Variants in EVI5 observed in about 807,000 individuals in gnomAD.
The protein encoded by EVI5 is ecotropic viral integration site 5 protein homolog.
Under a neutral mutation model 112.0 loss-of-function variants are expected in EVI5, and 73 were observed. That is an observed-to-expected ratio of 0.65 (90% confidence interval 0.54 to 0.79). The LOEUF (loss-of-function observed/expected upper bound fraction) is 0.79. EVI5 is among the 30% of genes least tolerant of loss of function. The probability of loss-of-function intolerance (pLI) is 0.00; values close to 1 mark genes in which losing one functional copy is unlikely to be tolerated. For missense variants in EVI5, 900 were observed against 968.8 expected (o/e 0.93, Z 0.94); for synonymous variants, 305 against 319.9 (o/e 0.95, Z 0.50).
chr1:92,711,091 G>A (rs953521070), intron 2 of EVI5, among the ~76,000 whole-genome samples: 3 of 152,108 alleles, frequency 2.0e-5, no homozygotes, highest in Non-Finnish European at 4.4e-5. Context: ...GCATGCAGAT[G>A]ATAAACAGCC....
At chr1:92,649,948 C>T (rs1294226421) in intron 13 of EVI5, among the ~76,000 whole-genome samples, 1 of 152,172 alleles carries the variant, frequency 6.6e-6, no homozygotes, top group Non-Finnish European at 1.5e-5. Flanking sequence ...CTATTCGTTC[C>T]TCATTGAATG....
At chr1:92,683,153 T>C (rs1339108243) in intron 9 of EVI5, among the ~76,000 whole-genome samples, 1 of 152,188 alleles carries the variant, frequency 6.6e-6, no homozygotes, top group Non-Finnish European at 1.5e-5. Context: ...GAGTTAATAA[T>C]CTGCCCCATG....
At chr1:92,749,810 CAT>C (rs978756822) in intron 1 of EVI5, among the ~76,000 whole-genome samples, 1 of 152,170 alleles carries the variant, frequency 6.6e-6, no homozygotes, top group African/African-American at 2.4e-5. Context: ...CCTTATCACA[CAT>C]AATCTACATC....
At chr1:92,528,701 C>T (rs1186734572) in intron 19 of EVI5, among the ~76,000 whole-genome samples, 1 of 152,184 alleles carries the variant, frequency 6.6e-6, no homozygotes, top group Non-Finnish European at 1.5e-5. Flanking sequence ...CCAAATAACT[C>T]ATTCTATATG....
intron 1 of EVI5, among the ~76,000 whole-genome samples, chr1:92,751,353 C>G (rs1680171127): frequency 6.6e-6 from 1 of 152,050 alleles, no homozygotes; most frequent in Non-Finnish European, 1.5e-5. Context: ...AAATTCACCC[C>G]CAATTCATCC....
At chr1:92,598,203 G>A (rs1029394718) in intron 18 of EVI5, among the ~76,000 whole-genome samples, 1 of 152,272 alleles carries the variant, frequency 6.6e-6, no homozygotes, top group Non-Finnish European at 1.5e-5. Context: ...TGGAGCTTAT[G>A]CTCTAGTGGG....
chr1:92,778,957 C>T (rs148071040), intron 1 of EVI5, among the ~76,000 whole-genome samples: 31 of 152,094 alleles, frequency 2.0e-4, no homozygotes, highest in East Asian at 1.4e-3. Flanking sequence ...GAGATTCTGA[C>T]GTATTAGCAG....
In EVI5 at chr1:92,709,150, T is replaced by G. The variant is rs372542001; in HGVS notation, c.150-4406A>C. Among the ~76,000 whole-genome samples the G allele has an allele frequency of 5.9e-5, 9 of 152,176 alleles. No homozygotes were observed. In the East Asian group the frequency reaches 1.7e-3, roughly 29 times the overall value. ...AAGCCATTATACAAAAAAGAACAGGTAGAAGAGAAGTTTTGACAGAGGGTG... is the reference window on the plus strand; with the variant it reads ...AAGCCATTATACAAAAAAGAACAGGGAGAAGAGAAGTTTTGACAGAGGGTG... On this transcript the variant is annotated intron_variant, in intron 2 of 19. Transcript: ENST00000684568.
intron 19 of EVI5, among the ~76,000 whole-genome samples, chr1:92,521,550 G>T (rs550983397): frequency 1.3e-5 from 2 of 152,124 alleles, no homozygotes; most frequent in Middle Eastern, 3.2e-3. Flanking sequence ...AATTAGCCAG[G>T]TGTGGTGGTG....
chr1:92,766,099 TAATAA>T (rs1180197359), intron 1 of EVI5, among the ~76,000 whole-genome samples: 5 of 4,702 alleles, frequency 1.1e-3, no homozygotes, highest in Admixed American at 5.1e-3. Context: ...CCCTGCAAAA[TAATAA>T]TAATAATAAT....
intron 18 of EVI5, among the ~76,000 whole-genome samples, chr1:92,574,967 T>C (rs1670829027): frequency 6.6e-6 from 1 of 152,190 alleles, no homozygotes; most frequent in Non-Finnish European, 1.5e-5. Context: ...GACAGGTTGC[T>C]TACAAGTTGT....
At chr1:92,567,459 C>T (rs1022194840) in intron 18 of EVI5, among the ~76,000 whole-genome samples, 2 of 152,180 alleles carry the variant, frequency 1.3e-5, no homozygotes, top group Admixed American at 6.5e-5. Flanking sequence ...ATGCTCTATA[C>T]AGGTGTACCA....
intron 1 of EVI5, among the ~76,000 whole-genome samples, chr1:92,777,970 G>A (rs1023069093): frequency 2.0e-5 from 3 of 149,682 alleles, no homozygotes; most frequent in Non-Finnish European, 4.4e-5. Context: ...GTGCAGTGGC[G>A]CAATCTCAGC....
At position 92,619,498 on chromosome 1, in the gene EVI5, C is replaced by T. The variant is rs573991444; in HGVS notation, c.1827+4678G>A. On this transcript the variant is annotated intron_variant, in intron 16 of 19. Transcript: ENST00000684568. ...GTTCTGCCCCTCTAGAGAACCCTGA[C>T]TAATACAACATCTGACAGAGAATTT... Among the ~76,000 whole-genome samples, 447 of 151,628 alleles carry T rather than the reference C, an allele frequency of 2.9e-3. 7 individuals carry two copies. The South Asian group carries it at 0.035, about 12-fold the overall frequency.
intron 13 of EVI5, among the ~76,000 whole-genome samples, chr1:92,655,765 C>T (rs972868393): frequency 4.6e-5 from 7 of 152,104 alleles, no homozygotes; most frequent in African/African-American, 1.2e-4. Flanking sequence ...ATAAAGTCAA[C>T]GGGAAGATGT....
intron 14 of EVI5, among the ~76,000 whole-genome samples, chr1:92,630,383 C>G (rs1656740603): frequency 6.6e-6 from 1 of 152,166 alleles, no homozygotes; most frequent in Non-Finnish European, 1.5e-5. Context: ...GATGGTATCT[C>G]ATTGTGGTTT....
intron 1 of EVI5, among the ~76,000 whole-genome samples, chr1:92,771,139 C>T (rs775966165): frequency 1.3e-5 from 2 of 152,050 alleles, no homozygotes; most frequent in Non-Finnish European, 2.9e-5. Context: ...TTTACTCACA[C>T]TAACAACATT....
At chr1:92,538,426 C>T (rs1664239591) in intron 19 of EVI5, among the ~76,000 whole-genome samples, 2 of 152,288 alleles carry the variant, frequency 1.3e-5, no homozygotes, top group South Asian at 4.1e-4. Flanking sequence ...TAGCAAAACA[C>T]CCTCATGAAA....
chr1:92,648,469 T>C (rs1477789947), intron 13 of EVI5, among the ~76,000 whole-genome samples: 1 of 152,108 alleles, frequency 6.6e-6, no homozygotes, highest in Non-Finnish European at 1.5e-5. Flanking sequence ...ACCATCCACA[T>C]CTAGTTCCAT....
Sources: allele counts gnomAD v4.1 joint callset (sites outside exome capture counted in the v4.1 genomes callset), GRCh38; gene constraint gnomAD v4.1.1; transcripts MANE v1.5; gene names NCBI Gene and HGNC (gene_info 2026-07-23, HGNC 2026-07-21).